CLVS1: variants seen among roughly 807,000 people sequenced by gnomAD.
CLVS1 encodes the protein clavesin-1.
A neutral mutation model predicts 33.1 loss-of-function variants in CLVS1; 10 were observed. The observed-to-expected ratio is 0.30, with a 90% CI of 0.19 to 0.51. The LOEUF is 0.51. Among genes scored for constraint, CLVS1 ranks in the 20% least tolerant of loss-of-function variants. The probability of loss-of-function intolerance (pLI) is 0.97; values close to 1 mark genes in which losing one functional copy is unlikely to be tolerated. For synonymous variants in CLVS1, 163 were observed against 166.1 expected (o/e 0.98, Z 0.14); for missense variants, 343 against 433.4 (o/e 0.79, Z 1.85).
chr8:61,024,872 CAG>C, the CLVS1 span, among the ~76,000 whole-genome samples: 31 of 149,534 alleles, frequency 2.1e-4, no homozygotes, highest in Middle Eastern at 3.4e-3. Context: ...TTTTTTTAGA[CAG>C]AGTCTTGCTG....
intron 2 of CLVS1, among the ~76,000 whole-genome samples, chr8:61,239,894 G>C (rs1808655707): frequency 6.6e-6 from 1 of 152,028 alleles, no homozygotes; most frequent in Non-Finnish European, 1.5e-5. Context: ...GAAAATAAAG[G>C]CCGTGAGACT....
intron 2 of CLVS1, among the ~76,000 whole-genome samples, chr8:61,311,235 C>T (rs993068099): frequency 1.3e-5 from 2 of 152,156 alleles, no homozygotes; most frequent in East Asian, 1.9e-4. Context: ...GCCTTGATTC[C>T]GGCTTCCTCG....
chr8:61,047,405 C>T, the CLVS1 span, among the ~76,000 whole-genome samples: 1 of 152,164 alleles, frequency 6.6e-6, no homozygotes, highest in Admixed American at 6.5e-5. Context: ...GTGGCGATTC[C>T]TCAGGGATCT....
chr8:61,033,554 G>T, the CLVS1 span, among the ~76,000 whole-genome samples: 10 of 152,190 alleles, frequency 6.6e-5, no homozygotes, highest in East Asian at 1.9e-4. Flanking sequence ...CCTCAGTCAG[G>T]GGGGAGTGTG....
intron 1 of CLVS1, among the ~76,000 whole-genome samples, chr8:61,058,535 T>C (rs1178312677): frequency 2.0e-5 from 3 of 152,234 alleles, no homozygotes; most frequent in Non-Finnish European, 2.9e-5. Context: ...ATGTACTTTT[T>C]AAATTGAGGT....
intron 2 of CLVS1, among the ~76,000 whole-genome samples, chr8:61,357,489 C>CTTTTTTTTT (rs1462908906): frequency 9.9e-5 from 3 of 30,266 alleles, no homozygotes; most frequent in East Asian, 1.9e-3. Context: ...TTTCCTTTTT[C>CTTTTTTTTT]TTTTCTTTTT....
At chr8:61,092,212 C>T (rs12114282) in intron 1 of CLVS1, among the ~76,000 whole-genome samples, 3,662 of 152,148 alleles carry the variant, frequency 0.024, 153 homozygotes, top group African/African-American at 0.083. Flanking sequence ...GAACTTTTTC[C>T]ATTAATTACC....
At chr8:61,462,668 G>A (rs187734722) in intron 5 of CLVS1, among the ~76,000 whole-genome samples, 1 of 152,228 alleles carries the variant, frequency 6.6e-6, no homozygotes, top group Admixed American at 6.5e-5. Flanking sequence ...ATTTTGAAAG[G>A]GATCTTTTTT....
intron 1 of CLVS1, among the ~76,000 whole-genome samples, chr8:61,096,400 A>C (rs1254882593): frequency 6.6e-6 from 1 of 152,132 alleles, no homozygotes; most frequent in Admixed American, 6.5e-5. Flanking sequence ...TCTCCATATG[A>C]TTCTAAAAAT....
intron 2 of CLVS1, among the ~76,000 whole-genome samples, chr8:61,236,367 T>C (rs974600352): frequency 2.6e-5 from 4 of 152,278 alleles, no homozygotes; most frequent in Admixed American, 2.0e-4. Flanking sequence ...TCGTACATCA[T>C]GGGGTCCGGA....
chr8:61,370,751 T>C (rs904172787), intron 2 of CLVS1: 2 of 152,190 alleles, frequency 1.3e-5, no homozygotes, highest in Non-Finnish European at 1.5e-5. Context: ...TGAGAAGATA[T>C]GATGTTTGGC....
At chr8:61,248,621 CA>C (rs1172178488) in intron 2 of CLVS1, among the ~76,000 whole-genome samples, 7 of 148,800 alleles carry the variant, frequency 4.7e-5, no homozygotes, top group African/African-American at 1.3e-4. Context: ...ATTTTGAATA[CA>C]TTTTTTTAAT....
At chr8:61,019,461 T>A in the CLVS1 span, among the ~76,000 whole-genome samples, 1 of 152,264 alleles carries the variant, frequency 6.6e-6, no homozygotes, top group African/African-American at 2.4e-5. Flanking sequence ...CTAAAAAAAA[T>A]AAACTTCATC....
chr8:60,978,232 G>C, the CLVS1 span, among the ~76,000 whole-genome samples: 1 of 152,230 alleles, frequency 6.6e-6, no homozygotes, highest in East Asian at 1.9e-4. Context: ...CACTGGCTAA[G>C]GTAGCTACAT....
At chr8:61,413,035 T>C (rs1035804758) in intron 3 of CLVS1, among the ~76,000 whole-genome samples, 1 of 152,190 alleles carries the variant, frequency 6.6e-6, no homozygotes, top group African/African-American at 2.4e-5. Flanking sequence ...TTGGATTTAA[T>C]ATTTTGATTT....
intron 5 of CLVS1, among the ~76,000 whole-genome samples, chr8:61,475,955 T>C (rs977874811): frequency 6.6e-6 from 1 of 152,208 alleles, no homozygotes; most frequent in Non-Finnish European, 1.5e-5. Context: ...CTTTAATCCA[T>C]CTTGAATTAA....
At chr8:61,094,900 A>C (rs1181478981) in intron 1 of CLVS1, among the ~76,000 whole-genome samples, 2 of 152,230 alleles carry the variant, frequency 1.3e-5, no homozygotes, top group African/African-American at 4.8e-5. Flanking sequence ...GCAGACTAAC[A>C]CAGTAACTTT....
chr8:61,343,114 G>A (rs1321657703), intron 2 of CLVS1, among the ~76,000 whole-genome samples: 1 of 152,148 alleles, frequency 6.6e-6, no homozygotes, highest in African/African-American at 2.4e-5. Context: ...GTAACTTTGG[G>A]TATATTTTAT....
At chr8:61,309,956 C>T (rs762696071) in intron 2 of CLVS1, among the ~76,000 whole-genome samples, 6 of 152,120 alleles carry the variant, frequency 3.9e-5, no homozygotes, top group Non-Finnish European at 8.8e-5. Flanking sequence ...GTGCCTCATT[C>T]GGTTTGATTG....
Sources: gnomAD v4.1 joint callset for allele counts (sites outside exome capture counted in the v4.1 genomes callset) on GRCh38, gnomAD v4.1.1 for gene constraint, MANE v1.5 for transcripts, NCBI Gene and HGNC (gene_info 2026-07-23, HGNC 2026-07-21) for gene names.